The following ADAMTSL1 variants were observed in gnomAD, a reference collection of about 807,000 sequenced individuals.
The protein encoded by ADAMTSL1 is ADAMTS like 1, also known as ADAMTS-like protein 1.
ADAMTSL1 carries 126 observed loss-of-function variants against 201.8 expected under a neutral mutation model. That is an observed-to-expected ratio of 0.62 (90% CI 0.54 to 0.72). ADAMTSL1 has a LOEUF of 0.72. ADAMTSL1 is among the 30% of genes least tolerant of loss of function. The probability of loss-of-function intolerance (pLI) is 0.00; values close to 1 mark genes in which losing one functional copy is unlikely to be tolerated. For missense variants in ADAMTSL1, 2,679 were observed against 2,277.8 expected (o/e 1.18, Z -3.59); for synonymous variants, 1,121 against 903.4 (o/e 1.24, Z -4.32).
intron 1 of ADAMTSL1, among the ~76,000 whole-genome samples, chr9:18,110,051 G>T (rs1432431105): frequency 6.6e-6 from 1 of 152,162 alleles, no homozygotes; most frequent in Non-Finnish European, 1.5e-5. Context: ...AGCCCCACAA[G>T]GCAGACAAAG....
At chr9:18,091,335 A>G (rs1824008914) in intron 1 of ADAMTSL1, among the ~76,000 whole-genome samples, 1 of 152,120 alleles carries the variant, frequency 6.6e-6, no homozygotes, top group Non-Finnish European at 1.5e-5. Flanking sequence ...AAGTGTCATG[A>G]TAACAAATTA....
rs200222226 is a variant in ADAMTSL1 at position 18,777,218 on chromosome 9, C to T, written c.2989C>T (p.His997Tyr). Reference protein sequence around the residue: ...GPKEALQTHKHQNGIFSNGSK... With the variant: ...GPKEALQTHKYQNGIFSNGSK... The stretch of plus-strand genomic sequence containing the variant: ...GAAGGAGGCCCTGCAGACCCACAAA[C>T]ACCAGAACGGGATCTTCTCCAACGG... The change falls in exon 19 of 29, where the codon CAC (histidine) becomes TAC (tyrosine). Residue 997 changes from histidine to tyrosine, a missense_variant. Coordinates refer to ENST00000380548, the MANE Select transcript of ADAMTSL1 (RefSeq NM_001040272.6). The T allele has an allele frequency of 1.2e-5, 19 of 1,612,730 alleles. No individual in the cohort carries two copies. Among genetic ancestry groups the T allele is most frequent in the East Asian group, 2.2e-5 (1 of 44,874 alleles).
At chr9:18,383,142 A>G (rs1449456532) in intron 2 of ADAMTSL1, among the ~76,000 whole-genome samples, 2 of 152,134 alleles carry the variant, frequency 1.3e-5, no homozygotes, top group Admixed American at 6.5e-5. Context: ...TAATCTATTA[A>G]TTCTATATTA....
chr9:18,267,762 T>A (rs1354822950), intron 2 of ADAMTSL1, among the ~76,000 whole-genome samples: 3 of 125,286 alleles, frequency 2.4e-5, no homozygotes, highest in South Asian at 2.5e-4. Context: ...CAAAGGCTAT[T>A]AAAAAAAAAA....
At chr9:18,055,622 C>G (rs191779808) in intron 1 of ADAMTSL1, among the ~76,000 whole-genome samples, 26 of 152,316 alleles carry the variant, frequency 1.7e-4, no homozygotes, top group Middle Eastern at 3.4e-3. Flanking sequence ...GTAACAACCA[C>G]GAGGAGTCGT....
intron 2 of ADAMTSL1, among the ~76,000 whole-genome samples, chr9:18,442,873 A>G (rs971553143): frequency 4.6e-5 from 7 of 152,316 alleles, no homozygotes; most frequent in African/African-American, 9.6e-5. Context: ...GCTAAGGAAA[A>G]GCAAATAGGA....
At chr9:18,634,856 T>C (rs1215547162) in intron 5 of ADAMTSL1, among the ~76,000 whole-genome samples, 1 of 119,598 alleles carries the variant, frequency 8.4e-6, no homozygotes, top group Non-Finnish European at 1.8e-5. Context: ...AAAGAATATG[T>C]AAATATATAT....
intron 2 of ADAMTSL1, among the ~76,000 whole-genome samples, chr9:18,417,367 G>GAA (rs80226819): frequency 0.011 from 721 of 64,638 alleles, 13 homozygotes; most frequent in South Asian, 0.066. Context: ...AAGTAAGCAG[G>GAA]AAAAAAAAAA....
intron 1 of ADAMTSL1, among the ~76,000 whole-genome samples, chr9:17,953,515 A>G (rs1021712620): frequency 4.6e-5 from 7 of 152,230 alleles, no homozygotes; most frequent in Non-Finnish European, 4.4e-5. Flanking sequence ...ACACATGAGG[A>G]TGTTCATTCA....
At chr9:18,644,302 G>T (rs1309414990) in intron 7 of ADAMTSL1, among the ~76,000 whole-genome samples, 1 of 151,804 alleles carries the variant, frequency 6.6e-6, no homozygotes, top group African/African-American at 2.4e-5. Flanking sequence ...TTTAAGCAGT[G>T]CATTGCTTTT....
At chr9:17,933,695 C>T (rs1764110587) in intron 1 of ADAMTSL1, among the ~76,000 whole-genome samples, 1 of 152,124 alleles carries the variant, frequency 6.6e-6, no homozygotes, top group South Asian at 2.1e-4. Context: ...GCTCATCTTA[C>T]ATGGCTGGAA....
chr9:18,861,955 C>A (rs771663342), intron 23 of ADAMTSL1, among the ~76,000 whole-genome samples: 14 of 152,104 alleles, frequency 9.2e-5, no homozygotes, highest in Non-Finnish European at 1.9e-4. Flanking sequence ...GTTTCTGGAG[C>A]CTCAAGACCC....
intron 2 of ADAMTSL1, among the ~76,000 whole-genome samples, chr9:18,180,262 G>A (rs543672266): frequency 1.2e-4 from 18 of 152,288 alleles, no homozygotes; most frequent in African/African-American, 1.4e-4. Flanking sequence ...GGCCGGGCAC[G>A]GTGGCTCACG....
intron 21 of ADAMTSL1, among the ~76,000 whole-genome samples, chr9:18,825,826 G>T (rs1824518563): frequency 6.6e-6 from 1 of 151,774 alleles, no homozygotes; most frequent in Non-Finnish European, 1.5e-5. Context: ...TCTTGTGTCT[G>T]CCATCTCTTA....
intron 2 of ADAMTSL1, among the ~76,000 whole-genome samples, chr9:18,227,461 G>A (rs993474922): frequency 3.3e-5 from 5 of 152,132 alleles, no homozygotes; most frequent in Admixed American, 6.6e-5. Context: ...TAAACTCACG[G>A]CAAGGTAGTA....
At chr9:18,606,593 T>C (rs193272431) in intron 4 of ADAMTSL1, among the ~76,000 whole-genome samples, 1 of 152,164 alleles carries the variant, frequency 6.6e-6, no homozygotes, top group Non-Finnish European at 1.5e-5. Context: ...TGACATTTTT[T>C]AAAGAGACTA....
chr9:18,414,533 C>T (rs750409939), intron 2 of ADAMTSL1, among the ~76,000 whole-genome samples: 6 of 151,984 alleles, frequency 3.9e-5, no homozygotes, highest in East Asian at 1.9e-4. Context: ...TTTAAGAAAC[C>T]GGATGTCAGG....
chr9:18,861,522 T>G (rs1454791243), intron 23 of ADAMTSL1, among the ~76,000 whole-genome samples: 2 of 152,170 alleles, frequency 1.3e-5, no homozygotes, highest in African/African-American at 2.4e-5. Flanking sequence ...CAAGGCAAAC[T>G]GAGAACCACA....
At chr9:18,383,098 G>T (rs1837628876) in intron 2 of ADAMTSL1, among the ~76,000 whole-genome samples, 1 of 152,134 alleles carries the variant, frequency 6.6e-6, no homozygotes, top group Admixed American at 6.5e-5. Context: ...CCATCCCTTT[G>T]AGAGTTTCTG....
Sources: gnomAD v4.1 joint callset for allele counts (sites outside exome capture counted in the v4.1 genomes callset) on GRCh38, gnomAD v4.1.1 for gene constraint, MANE v1.5 for transcripts, NCBI Gene and HGNC (gene_info 2026-07-23, HGNC 2026-07-21) for gene names.